The following EYA4 variants were observed in gnomAD, a reference collection of about 807,000 sequenced individuals.
EYA4 encodes protein phosphatase EYA4.
A neutral mutation model predicts 87.9 loss-of-function variants in EYA4; 31 were observed. The ratio of observed to expected loss-of-function variants is 0.35; its 90% CI spans 0.27 to 0.48. The LOEUF (loss-of-function observed/expected upper bound fraction) is 0.48, where lower values mean the gene tolerates loss of function less well. Among genes scored for constraint, EYA4 ranks in the 20% least tolerant of loss-of-function variants. The pLI is 0.99. For synonymous variants in EYA4, 263 were observed against 270.6 expected, an observed-to-expected ratio of 0.97 and a Z score of 0.28; for missense variants, 678 against 761.4, an observed-to-expected ratio of 0.89 and a Z score of 1.29.
At chr6:133,381,035 C>T (rs1170378904) in intron 2 of EYA4, among the ~76,000 whole-genome samples, 2 of 149,968 alleles carry the variant, frequency 1.3e-5, no homozygotes, top group Admixed American at 6.7e-5. Context: ...ACCTCCTCCT[C>T]CTTTTTCTTC....
intron 2 of EYA4, among the ~76,000 whole-genome samples, chr6:133,357,928 A>G (rs1337694728): frequency 6.6e-6 from 1 of 151,740 alleles, no homozygotes; most frequent in African/African-American, 2.4e-5. Flanking sequence ...TATGAAATAT[A>G]TATTTGAGAA....
intron 3 of EYA4, among the ~76,000 whole-genome samples, chr6:133,383,209 A>G (rs1181415780): frequency 6.6e-6 from 1 of 152,222 alleles, no homozygotes; most frequent in Non-Finnish European, 1.5e-5. Flanking sequence ...GCTCCCGCAT[A>G]TAGTGCATGT....
chr6:133,324,977 C>T (rs1781387404), intron 2 of EYA4, among the ~76,000 whole-genome samples: 1 of 129,788 alleles, frequency 7.7e-6, no homozygotes, highest in South Asian at 2.5e-4. Flanking sequence ...GTGGCACAAT[C>T]TCGGTTCACT....
intron 3 of EYA4, among the ~76,000 whole-genome samples, chr6:133,445,622 C>T (rs1379031927): frequency 2.6e-5 from 4 of 150,960 alleles, no homozygotes; most frequent in Non-Finnish European, 4.4e-5. Context: ...TCTGTCGCTC[C>T]GGCTGGAGTG....
chr6:133,338,511 A>G (rs1045602933), intron 2 of EYA4, among the ~76,000 whole-genome samples: 2 of 152,190 alleles, frequency 1.3e-5, no homozygotes, highest in Non-Finnish European at 2.9e-5. Flanking sequence ...ATTTATAGTG[A>G]TAACAATTCA....
intron 2 of EYA4, among the ~76,000 whole-genome samples, chr6:133,299,934 T>G (rs1046846085): frequency 2.4e-4 from 19 of 80,636 alleles, no homozygotes; most frequent in Non-Finnish European, 1.9e-4. Context: ...TCTCTATCTA[T>G]CTATCTATCT....
intron 1 of EYA4, among the ~76,000 whole-genome samples, chr6:133,259,913 T>A (rs1309224682): frequency 1.3e-5 from 2 of 152,182 alleles, no homozygotes; most frequent in Non-Finnish European, 2.9e-5. Flanking sequence ...TTTATGGGGA[T>A]GGGCACACAC....
At chr6:133,447,499 A>G (rs1269467391) in intron 4 of EYA4, among the ~76,000 whole-genome samples, 1 of 152,198 alleles carries the variant, frequency 6.6e-6, no homozygotes, top group Non-Finnish European at 1.5e-5. Flanking sequence ...TCACAATTTG[A>G]AATTTTGTAG....
At chr6:133,522,176 T>TG (rs1800236184) in intron 17 of EYA4, among the ~76,000 whole-genome samples, 1 of 150,984 alleles carries the variant, frequency 6.6e-6, no homozygotes, top group South Asian at 2.1e-4. Context: ...GTAGTTTTTT[T>TG]TTTTTTTTAA....
chr6:133,409,792 A>G (rs1036493134), intron 3 of EYA4, among the ~76,000 whole-genome samples: 8 of 152,164 alleles, frequency 5.3e-5, no homozygotes, highest in Non-Finnish European at 8.8e-5. Flanking sequence ...AGTCAATAAT[A>G]CTGTAATGTA....
rs1583583981 is a variant in EYA4, at chr6:133,531,338, C to T, written c.*2533C>T. On this transcript the variant is annotated 3_prime_UTR_variant, in exon 20 of 20. Coordinates refer to ENST00000355286, the MANE Select transcript of EYA4 (RefSeq NM_004100.5). ...GACGTTGAGTATGCACAAACTAGAA[C>T]TCTTCCCTTCCCACCTTAGGAATAG... 3 of 727,324 alleles carry T rather than the reference C, an allele frequency of 4.1e-6. No homozygotes were observed. The highest frequency in any genetic ancestry group is 5.6e-5 in the East Asian group (2 of 35,738). 45.1% of individuals were successfully genotyped at this position (727,324 alleles called of 1,614,324 possible).
intron 13 of EYA4, among the ~76,000 whole-genome samples, chr6:133,498,854 C>T (rs1026286018): frequency 1.6e-4 from 24 of 152,182 alleles, no homozygotes; most frequent in Middle Eastern, 6.8e-3. Context: ...TTCAGAGCTT[C>T]GTGTTGAGTA....
At chr6:133,309,672 A>T (rs1486847457) in intron 2 of EYA4, among the ~76,000 whole-genome samples, 1 of 152,222 alleles carries the variant, frequency 6.6e-6, no homozygotes, top group African/African-American at 2.4e-5. Context: ...ATGTACTAAC[A>T]TGCCAACATG....
chr6:133,369,867 T>C (rs1255397242), intron 2 of EYA4, among the ~76,000 whole-genome samples: 1 of 152,238 alleles, frequency 6.6e-6, no homozygotes, highest in Admixed American at 6.5e-5. Flanking sequence ...TCAGGAGATG[T>C]GGCTTCATTA....
intron 3 of EYA4, among the ~76,000 whole-genome samples, chr6:133,428,705 C>T (rs1013302585): frequency 3.3e-5 from 5 of 152,066 alleles, no homozygotes; most frequent in African/African-American, 1.2e-4. Context: ...AGACTACATG[C>T]TCCCTCCTTT....
chr6:133,500,257 A>C (rs1797992876), intron 13 of EYA4, among the ~76,000 whole-genome samples: 1 of 151,972 alleles, frequency 6.6e-6, no homozygotes, highest in South Asian at 2.1e-4. Flanking sequence ...GGCCCGAGCA[A>C]CAGGCATTGT....
At chr6:133,329,185 C>G (rs1396968836) in intron 2 of EYA4, among the ~76,000 whole-genome samples, 3 of 152,032 alleles carry the variant, frequency 2.0e-5, no homozygotes, top group African/African-American at 4.8e-5. Context: ...TTTATATCAT[C>G]CAAACTTTTT....
At chr6:133,517,391 A>G (rs972576936) in intron 17 of EYA4, among the ~76,000 whole-genome samples, 1 of 152,188 alleles carries the variant, frequency 6.6e-6, no homozygotes, top group Non-Finnish European at 1.5e-5. Context: ...TTGGAAAAGA[A>G]AAGATCAATG....
chr6:133,516,491 T>A (rs1438056806), intron 17 of EYA4, among the ~76,000 whole-genome samples: 1 of 151,040 alleles, frequency 6.6e-6, no homozygotes, highest in Non-Finnish European at 1.5e-5. Context: ...GGCAGGTGGA[T>A]CACGAGGTCA....
Sources: gnomAD v4.1 joint callset for allele counts (sites outside exome capture counted in the v4.1 genomes callset) on GRCh38, gnomAD v4.1.1 for gene constraint, MANE v1.5 for transcripts, NCBI Gene and HGNC (gene_info 2026-07-23, HGNC 2026-07-21) for gene names.